The following NKX2-2 variants were observed in gnomAD, a reference collection of about 807,000 sequenced individuals.
NKX2-2 encodes homeobox protein Nkx-2.2.
In NKX2-2, 8 loss-of-function variants were observed where a neutral mutation model predicts 24.6. The ratio of observed to expected loss-of-function variants is 0.32; its 90% CI spans 0.19 to 0.59. The LOEUF (loss-of-function observed/expected upper bound fraction) is 0.59. Among genes scored for constraint, NKX2-2 ranks in the 20% least tolerant of loss-of-function variants. The pLI is 0.86. For missense variants in NKX2-2, 381 were observed against 373.9 expected (o/e 1.02, Z -0.16); for synonymous variants, 217 against 173.3 (o/e 1.25, Z -1.98).
upstream of NKX2-2, among the ~76,000 whole-genome samples, chr20:21,518,489 T>C (rs1304753238): frequency 6.6e-6 from 1 of 152,144 alleles, no homozygotes; most frequent in Non-Finnish European, 1.5e-5. Flanking sequence ...TGAGTTCGGG[T>C]TCAGGCGGCT....
chr20:21,516,714 G>T (rs1213164924), upstream of NKX2-2, among the ~76,000 whole-genome samples: 1 of 152,166 alleles, frequency 6.6e-6, no homozygotes, highest in Admixed American at 6.5e-5. Context: ...CCACTAGGTT[G>T]GGGACCCAGA....
chr20:21,512,683 A>G (rs1980485172), intron 1 of NKX2-2, among the ~76,000 whole-genome samples, 198 bp from the exon 2 acceptor site: 1 of 152,010 alleles, frequency 6.6e-6, no homozygotes, highest in Non-Finnish European at 1.5e-5. Context: ...AAAGAGGGAA[A>G]TCCGTAGGAG....
chr20:21,512,719 G>T (rs535163825), intron 1 of NKX2-2, among the ~76,000 whole-genome samples: 2 of 152,152 alleles, frequency 1.3e-5, no homozygotes, highest in African/African-American at 2.4e-5. Flanking sequence ...CGCCTTTCAA[G>T]GGGCTCACAT....
upstream of NKX2-2, among the ~76,000 whole-genome samples, chr20:21,515,439 C>G (rs893171411): frequency 6.6e-6 from 1 of 152,148 alleles, no homozygotes; most frequent in Non-Finnish European, 1.5e-5. Flanking sequence ...TCGGAGTACG[C>G]GCTCCACGTT....
At position 21,512,434 on chromosome 20, in the gene NKX2-2, G is replaced by C. The variant is rs1199003013; in HGVS notation, c.311C>G (p.Pro104Arg). The change falls in exon 2 of 2, where the codon CCG (proline) becomes CGG (arginine). Residue 104 changes from proline to arginine, a missense_variant. This residue lies in a region of NKX2-2 where 206 missense variants were observed against 173.1 expected (regional missense o/e 1.19). Coordinates refer to ENST00000377142, the MANE Select transcript of NKX2-2 (RefSeq NM_002509.4). Reference protein sequence around the residue: ...APPQDSSSKSPEPSADESPDN... With the variant: ...APPQDSSSKSREPSADESPDN... Reference sequence around the variant, plus strand: ...CGGTGACTCGTCGGCCGAGGGCTCCGGGGACTTGGAGCTTGAGTCCTGAGG... The same window carrying C: ...CGGTGACTCGTCGGCCGAGGGCTCCCGGGACTTGGAGCTTGAGTCCTGAGG... 1 of 1,590,416 alleles carries C rather than the reference G, an allele frequency of 6.3e-7. No individual in the cohort carries two copies. The highest frequency in any genetic ancestry group is 1.1e-5 in the South Asian group (1 of 88,516).
At chr20:21,514,249 G>C (rs954365906), upstream of NKX2-2, among the ~76,000 whole-genome samples, 1 of 152,122 alleles carries the variant, frequency 6.6e-6, no homozygotes, top group Admixed American at 6.5e-5. Context: ...GGTTGGCCAC[G>C]TGTGGGCGGG....
chr20:21,519,768 C>T, the NKX2-2 span, among the ~76,000 whole-genome samples: 132 of 152,286 alleles, frequency 8.7e-4, no homozygotes, highest in Non-Finnish European at 1.5e-3. Context: ...CCTTCTGCCC[C>T]CGGAGAAGGA....
upstream of NKX2-2, among the ~76,000 whole-genome samples, chr20:21,517,700 C>T (rs1980676142): frequency 6.6e-6 from 1 of 152,216 alleles, no homozygotes; most frequent in African/African-American, 2.4e-5. Context: ...TTCTTGGGCC[C>T]GGCTTGCGCC....
At chr20:21,512,547 G>T in intron 1 of NKX2-2, 62 bp from the exon 2 acceptor site, 2 of 1,264,978 alleles carry the variant, frequency 1.6e-6, no homozygotes, top group Non-Finnish European at 2.2e-6. Context: ...GCCTGCACCA[G>T]ACTCGGAGCA....
chr20:21,521,163 G>GTC, the NKX2-2 span, among the ~76,000 whole-genome samples: 2 of 151,926 alleles, frequency 1.3e-5, no homozygotes, highest in East Asian at 1.9e-4. Flanking sequence ...CTAGGGCTCT[G>GTC]TCTCTCTCTC....
chr20:21,515,489 C>G (rs905011241), upstream of NKX2-2, among the ~76,000 whole-genome samples: 1 of 152,246 alleles, frequency 6.6e-6, no homozygotes, highest in Admixed American at 6.5e-5. Flanking sequence ...TCCAGCCACT[C>G]TCGGCTCTGG....
Position 21,511,907 on chromosome 20 carries a change from C to G in NKX2-2, c.*16G>C, listed in dbSNP as rs758230899. The G allele has an allele frequency of 1.9e-6, 3 of 1,557,046 alleles. No homozygotes were observed. The highest frequency in any genetic ancestry group is 2.6e-6 in the Non-Finnish European group (3 of 1,154,062). ...GGGGCCTGGGCCTGGGGCCGCGAGT[C>G]TCGTTGGGGCGGCGCTCACCAAGTC... is the stretch of plus-strand genomic sequence containing the variant. On this transcript the variant is annotated 3_prime_UTR_variant, in exon 2 of 2. Transcript: ENST00000377142.
At chr20:21,517,715 G>C (rs1275616391), upstream of NKX2-2, among the ~76,000 whole-genome samples, 1 of 152,184 alleles carries the variant, frequency 6.6e-6, no homozygotes, top group East Asian at 1.9e-4. Context: ...TGCGCCCAAA[G>C]AGCCTAGGGG....
the NKX2-2 span, among the ~76,000 whole-genome samples, chr20:21,519,999 G>C: frequency 1.4e-4 from 22 of 152,026 alleles, no homozygotes; most frequent in African/African-American, 5.3e-4. Flanking sequence ...TCAAGCCTAA[G>C]GTGAGTTTTT....
the NKX2-2 span, among the ~76,000 whole-genome samples, chr20:21,521,741 C>T: frequency 6.6e-6 from 1 of 152,224 alleles, no homozygotes; most frequent in Non-Finnish European, 1.5e-5. Context: ...CACCGCGGCC[C>T]CGCCAGCCGA....
At chr20:21,520,217 C>T in the NKX2-2 span, among the ~76,000 whole-genome samples, 1 of 152,000 alleles carries the variant, frequency 6.6e-6, no homozygotes, top group African/African-American at 2.4e-5. Flanking sequence ...CCCATTGATG[C>T]CACGGAGAGA....
Position 21,513,552 on chromosome 20 carries a change from C to G in NKX2-2, c.118G>C (p.Glu40Gln), listed in dbSNP as rs765938917. The G allele has an allele frequency of 6.2e-6, 10 of 1,613,442 alleles. No homozygotes were observed. The East Asian group carries it at 1.8e-4, about 29-fold the overall frequency. Residue 40 changes from glutamate to glutamine, a missense_variant, in exon 1 of 2, where the codon GAG becomes CAG. Coordinates refer to ENST00000377142, the MANE Select transcript of NKX2-2 (RefSeq NM_002509.4). The surrounding 1 kb of genome is among the most constrained non-coding windows in gnomAD (Gnocchi z 4.6). ...AGCGGCCCGGCCCTCTTGGCTGGCT[C>G]GGGCCCCTCGTTCTCTTCCTCCGGA... Reference protein sequence around the residue: ...EGPEEENEGPEPAKRAGPLGQ... With the variant: ...EGPEEENEGPQPAKRAGPLGQ...
chr20:21,513,535 G>A lies in NKX2-2; in HGVS notation c.135C>T (p.Ala45=), dbSNP rs529001042. ...ENEGPEPAKR[A]GPLGQGALDA... ...CCAGGGCGCCCTGCCCCAGCGGCCC[G>A]GCCCTCTTGGCTGGCTCGGGCCCCT... Residue 45 remains alanine (A), a synonymous_variant, in exon 1 of 2, where the codon GCC becomes GCT. Coordinates refer to ENST00000377142, the MANE Select transcript of NKX2-2 (RefSeq NM_002509.4). This position sits in a 1 kb window ranked among gnomAD's most constrained non-coding sequence, Gnocchi z 4.6. 9.3e-6 allele frequency: 15 copies of A among 1,613,332 alleles called. No individual in the cohort carries two copies. The African/African-American group carries it at 1.1e-4, about 11-fold the overall frequency.
Position 21,513,869 on chromosome 20 carries a change from A to G in NKX2-2, c.-200T>C, listed in dbSNP as rs1980534944. ...ACTGGGGATGGGGAGGAAAAAAATG[A>G]AGCCCAACCCAGTGCCTCTCTCTGT... On this transcript the variant is annotated 5_prime_UTR_variant, in exon 1 of 2. Coordinates refer to ENST00000377142, the MANE Select transcript of NKX2-2 (RefSeq NM_002509.4). This position sits in a 1 kb window ranked among gnomAD's most constrained non-coding sequence, Gnocchi z 4.6. 1 of 456,066 alleles carries G rather than the reference A, an allele frequency of 2.2e-6. No homozygotes were observed. Among genetic ancestry groups the G allele is most frequent in the Non-Finnish European group, 3.8e-6 (1 of 264,522 alleles). 28.3% of individuals were successfully genotyped at this position (456,066 alleles called of 1,614,324 possible). A position where few individuals can be genotyped will look rare whatever the true frequency, so the allele number is the denominator to read the frequency against.
Sources: gnomAD v4.1 joint callset for allele counts (sites outside exome capture counted in the v4.1 genomes callset) on GRCh38, gnomAD v4.1.1 for gene constraint, gnomAD v4.1.1 regional missense constraint, Gnocchi (gnomAD v3.1) non-coding constraint, MANE v1.5 for transcripts, NCBI Gene and HGNC (gene_info 2026-07-23, HGNC 2026-07-21) for gene names.